CEBPZOS: variants seen among roughly 807,000 people sequenced by gnomAD.
CEBPZOS encodes protein CEBPZOS.
CEBPZOS carries 10 observed loss-of-function variants against 4.8 expected under a neutral mutation model. The ratio of observed to expected loss-of-function variants is 2.07; its 90% CI spans 1.28 to 3.52. The LOEUF is 3.52. Ranked by LOEUF, CEBPZOS falls within the 30% of genes most tolerant of loss-of-function variation. The probability of loss-of-function intolerance (pLI) is 0.00; values close to 1 mark genes in which losing one functional copy is unlikely to be tolerated. For missense variants in CEBPZOS, 98 were observed against 43.6 expected, an observed-to-expected ratio of 2.25 and a Z score of -3.51; for synonymous variants, 25 against 14.2, an observed-to-expected ratio of 1.77 and a Z score of -1.72.
In CEBPZOS at chr2:37,202,987, TTTC is replaced by T; in HGVS notation, c.*1130_*1132del. On this transcript the variant is annotated 3_prime_UTR_variant, in exon 5 of 5. Transcript: ENST00000402297. The stretch of plus-strand genomic sequence containing the variant: ...TACAAATAGGCTGGAATCATTTAAG[TTTC>T]TTTTCTTTTTTCTTGGCCCTAAAAA... The T allele has an allele frequency of 6.4e-7, 1 of 1,553,578 alleles. No homozygotes were observed. Among genetic ancestry groups the T allele is most frequent in the South Asian group, 1.3e-5 (1 of 79,010 alleles).
At chr2:37,210,215 T>C (rs545571761) in intron 4 of CEBPZOS, 25 of 152,314 alleles carry the variant, frequency 1.6e-4, no homozygotes, top group African/African-American at 5.8e-4. Flanking sequence ...GTAAACAGTA[T>C]GGAGAGTCCT....
exon 5 of CEBPZOS, chr2:37,213,706 G>A (rs1414204447): frequency 3.6e-6 from 2 of 553,672 alleles, no homozygotes; most frequent in African/African-American, 2.0e-5. Context: ...GAGCCACAGC[G>A]CCTGGCCCCA....
At chr2:37,207,319 G>A (rs1024820466), downstream of CEBPZOS, among the ~76,000 whole-genome samples, 14 of 151,998 alleles carry the variant, frequency 9.2e-5, no homozygotes, top group Admixed American at 2.6e-4. Context: ...AGATACCTAC[G>A]GAACATTCTA....
downstream of CEBPZOS, among the ~76,000 whole-genome samples, chr2:37,208,092 T>A (rs1677598881): frequency 6.6e-6 from 1 of 152,128 alleles, no homozygotes; most frequent in Non-Finnish European, 1.5e-5. Flanking sequence ...CCTTCTAGAT[T>A]AAACCAGAAA....
Position 37,196,529 on chromosome 2 carries a change from C to G in CEBPZOS, c.-2+9C>G, listed in dbSNP as rs940406081. On this transcript the variant is annotated intron_variant, in intron 1 of 4. Coordinates refer to ENST00000402297, the MANE Select transcript of CEBPZOS (RefSeq NM_001322374.2). Reference sequence around the variant, plus strand: ...CCTTGAACGCACCTCAGGTAAGACTCTGGCGAGTGGCTTCCCATGGGCGGT... The same window carrying G: ...CCTTGAACGCACCTCAGGTAAGACTGTGGCGAGTGGCTTCCCATGGGCGGT... The G allele has an allele frequency of 6.6e-6, 1 of 152,260 alleles. No homozygotes were observed. The highest frequency in any genetic ancestry group is 2.4e-5 in the African/African-American group (1 of 41,450). The allele number at this position is 152,260 out of a possible 1,614,324, so 9.4% of individuals were successfully genotyped here. A position where few individuals can be genotyped will look rare whatever the true frequency, so the allele number is the denominator to read the frequency against.
At chr2:37,206,446 C>A (rs999458153), downstream of CEBPZOS, among the ~76,000 whole-genome samples, 6 of 152,234 alleles carry the variant, frequency 3.9e-5, no homozygotes, top group African/African-American at 1.4e-4. Flanking sequence ...CGACCTCTGC[C>A]TAATGGGTTC....
chr2:37,202,773 A>C lies in CEBPZOS; in HGVS notation c.*913A>C. 6.6e-7 allele frequency: 1 copy of C among 1,508,360 alleles called. No individual in the cohort carries two copies. The allele number at this position is 1,508,360 out of a possible 1,614,324, so 93.4% of individuals were successfully genotyped here. On this transcript the variant is annotated 3_prime_UTR_variant, in exon 5 of 5. Coordinates refer to ENST00000402297, the MANE Select transcript of CEBPZOS (RefSeq NM_001322374.2). ...TTTTAAAACATCAATAAAAAAATTTAAGTTACTTACTTGCATTATCTTTGT... is the reference window on the plus strand; with the variant it reads ...TTTTAAAACATCAATAAAAAAATTTCAGTTACTTACTTGCATTATCTTTGT...
chr2:37,214,090 T>G, downstream of CEBPZOS: 1 of 481,676 alleles, frequency 2.1e-6, no homozygotes, highest in Non-Finnish European at 3.6e-6. Flanking sequence ...TGGAAATAAA[T>G]GACTGAAATT....
At chr2:37,197,905 A>G (rs977545468) in intron 1 of CEBPZOS, among the ~76,000 whole-genome samples, 3 of 151,798 alleles carry the variant, frequency 2.0e-5, no homozygotes, top group African/African-American at 7.3e-5. Context: ...CCACGCCTGT[A>G]ATCCTAGCAC....
At chr2:37,206,286 A>AT (rs1677537430), downstream of CEBPZOS, among the ~76,000 whole-genome samples, 1 of 152,254 alleles carries the variant, frequency 6.6e-6, no homozygotes, top group African/African-American at 2.4e-5. Context: ...TGAAGGAGAG[A>AT]TATCTATGCT....
chr2:37,198,622 T>A (rs970141600), intron 1 of CEBPZOS: 21 of 152,204 alleles, frequency 1.4e-4, no homozygotes, highest in African/African-American at 4.1e-4. Flanking sequence ...TTCTGGACTT[T>A]GAGGTTATAA....
In CEBPZOS at chr2:37,202,643, TCAAAAAAAAAAAAAAAAAAAA is replaced by T. The variant is rs1677315001; in HGVS notation, c.*784_*804del. 1 of 298,210 alleles carries T rather than the reference TCAAAAAAAAAAAAAAAAAAAA, an allele frequency of 3.4e-6. No individual in the cohort carries two copies. The highest frequency in any genetic ancestry group is 5.3e-6 in the Non-Finnish European group (1 of 187,564). 18.5% of individuals were successfully genotyped at this position (298,210 alleles called of 1,614,324 possible). A position where few individuals can be genotyped will look rare whatever the true frequency, so the allele number is the denominator to read the frequency against. On this transcript the variant is annotated 3_prime_UTR_variant, in exon 5 of 5. Transcript: ENST00000402297. ...CTGGGCAAGGGAGTGAGACGCTGTC[TCAAAAAAAAAAAAAAAAAAAA>T]AAAAAAAAAAAAAAAAAAAAAAAAA...
At chr2:37,206,935 A>G (rs1363813088), downstream of CEBPZOS, among the ~76,000 whole-genome samples, 1 of 151,884 alleles carries the variant, frequency 6.6e-6, no homozygotes, top group African/African-American at 2.4e-5. Context: ...ACTCACATAA[A>G]CTTAAGGTAA....
At chr2:37,201,429 A>G in intron 3 of CEBPZOS, 1 of 528,254 alleles carries the variant, frequency 1.9e-6, no homozygotes, top group Non-Finnish European at 3.4e-6. Context: ...GTAGATAAAG[A>G]CTGAACAAGA....
chr2:37,212,167 A>C (rs1677741630), intron 4 of CEBPZOS: 1 of 984,328 alleles, frequency 1.0e-6, no homozygotes, highest in Middle Eastern at 2.2e-4. Flanking sequence ...GCTCAGAGTA[A>C]ATAATAACGT....
intron 3 of CEBPZOS, 59 bp from the exon 4 acceptor site, chr2:37,201,583 A>G: frequency 3.0e-6 from 2 of 661,756 alleles, no homozygotes; most frequent in Non-Finnish European, 5.4e-6. Context: ...TTTTCAATAC[A>G]TTTAATTTTA....
chr2:37,196,875 C>T (rs1399158264), intron 1 of CEBPZOS, among the ~76,000 whole-genome samples: 1 of 152,172 alleles, frequency 6.6e-6, no homozygotes, highest in Non-Finnish European at 1.5e-5. Flanking sequence ...GCGGAGGCGG[C>T]CAGCTCTCGG....
rs1388752806 is a variant in CEBPZOS, at chr2:37,204,614, G to T, written c.*2754G>T. On this transcript the variant is annotated 3_prime_UTR_variant, in exon 5 of 5. Coordinates refer to ENST00000402297, the MANE Select transcript of CEBPZOS (RefSeq NM_001322374.2). Reference sequence around the variant, plus strand: ...TGTAGAGATGGGGTCTCATTGTGTTGCCCAGGCTGATTAAAGTTTCTATAA... The same window carrying T: ...TGTAGAGATGGGGTCTCATTGTGTTTCCCAGGCTGATTAAAGTTTCTATAA... 2 of 152,036 alleles carry T rather than the reference G, an allele frequency of 1.3e-5. No homozygotes were observed. Among genetic ancestry groups the T allele is most frequent in the African/African-American group, 2.4e-5 (1 of 41,394 alleles). 9.4% of individuals were successfully genotyped at this position (152,036 alleles called of 1,614,324 possible).
chr2:37,196,786 TGAGGGCAGCC>T (rs1353303163), intron 1 of CEBPZOS: 1 of 152,112 alleles, frequency 6.6e-6, no homozygotes, highest in African/African-American at 2.4e-5. Context: ...AGGGGAGAGC[TGAGGGCAGCC>T]GAGGGCACCA....
Sources: gnomAD v4.1 joint callset for allele counts (sites outside exome capture counted in the v4.1 genomes callset) on GRCh38, gnomAD v4.1.1 for gene constraint, MANE v1.5 for transcripts, NCBI Gene and HGNC (gene_info 2026-07-23, HGNC 2026-07-21) for gene names.